Variants in GPC5 observed in about 807,000 individuals in gnomAD.
GPC5 encodes the protein glypican 5, also known as glypican-5.
GPC5 carries 47 observed loss-of-function variants against 53.9 expected under a neutral mutation model. The observed-to-expected ratio is 0.87, with a 90% CI of 0.69 to 1.11. The LOEUF (loss-of-function observed/expected upper bound fraction) is 1.11, where lower values mean the gene tolerates loss of function less well. GPC5 is among the 50% of genes most tolerant of loss of function. GPC5 has a pLI of 0.00. For synonymous variants in GPC5, 286 were observed against 263.3 expected, an observed-to-expected ratio of 1.09 and a Z score of -0.84; for missense variants, 748 against 713.1, an observed-to-expected ratio of 1.05 and a Z score of -0.56.
At chr13:92,494,060 T>G (rs372249154) in intron 7 of GPC5, among the ~76,000 whole-genome samples, 25 of 143,828 alleles carry the variant, frequency 1.7e-4, no homozygotes, top group South Asian at 6.7e-4. Context: ...TTGTGTTTTT[T>G]TTTGTTTGTT....
intron 5 of GPC5, among the ~76,000 whole-genome samples, chr13:91,860,321 G>A (rs372333643): frequency 6.6e-6 from 1 of 151,864 alleles, no homozygotes; most frequent in East Asian, 1.9e-4. Context: ...AAGCTGTAAT[G>A]TTTAACTTTC....
intron 3 of GPC5, among the ~76,000 whole-genome samples, chr13:91,726,756 C>T (rs578094128): frequency 4.6e-5 from 7 of 152,262 alleles, no homozygotes; most frequent in South Asian, 2.1e-4. Context: ...GCTTCTCTGC[C>T]GACTTCTGGC....
chr13:92,499,419 G>A (rs535301657), intron 7 of GPC5, among the ~76,000 whole-genome samples: 1 of 152,166 alleles, frequency 6.6e-6, no homozygotes, highest in Admixed American at 6.5e-5. Context: ...CTGTTCAATA[G>A]GAAGATAATT....
At chr13:91,830,835 TATTATATATAATATATATATC>T (rs2038645584) in intron 5 of GPC5, among the ~76,000 whole-genome samples, 1 of 137,606 alleles carries the variant, frequency 7.3e-6, no homozygotes, top group African/African-American at 2.7e-5. Context: ...ATATATATCC[TATTATATATAATATATATATC>T]CTATTATATA....
intron 7 of GPC5, among the ~76,000 whole-genome samples, chr13:92,508,795 A>G (rs759017202): frequency 1.3e-5 from 2 of 152,208 alleles, no homozygotes; most frequent in African/African-American, 2.4e-5. Context: ...TATTGATGTG[A>G]TTGGAAATCA....
chr13:92,183,376 T>C (rs899798287), intron 7 of GPC5, among the ~76,000 whole-genome samples: 3 of 152,158 alleles, frequency 2.0e-5, no homozygotes, highest in African/African-American at 7.2e-5. Context: ...TTTCTTTTTT[T>C]TATGTAGATA....
At chr13:92,046,184 A>C (rs1361924618) in intron 6 of GPC5, among the ~76,000 whole-genome samples, 1 of 152,208 alleles carries the variant, frequency 6.6e-6, no homozygotes, top group African/African-American at 2.4e-5. Context: ...GAAAAATCAC[A>C]ATTACCTATC....
chr13:91,697,218 C>G (rs979199362), intron 3 of GPC5, among the ~76,000 whole-genome samples: 10 of 152,302 alleles, frequency 6.6e-5, no homozygotes, highest in African/African-American at 1.7e-4. Context: ...TCTCGGCTCA[C>G]TGCAACCTCT....
At chr13:92,435,178 G>A (rs1000163656) in intron 7 of GPC5, among the ~76,000 whole-genome samples, 1 of 152,122 alleles carries the variant, frequency 6.6e-6, no homozygotes, top group East Asian at 1.9e-4. Context: ...GCGTCCCAAA[G>A]TACTGGGATT....
At chr13:92,494,355 C>T (rs940912547) in intron 7 of GPC5, among the ~76,000 whole-genome samples, 1 of 152,186 alleles carries the variant, frequency 6.6e-6, no homozygotes, top group Non-Finnish European at 1.5e-5. Context: ...TCCCAAAGTT[C>T]TGGGATTACA....
At chr13:91,659,392 G>C (rs1259336172) in intron 2 of GPC5, among the ~76,000 whole-genome samples, 1 of 152,112 alleles carries the variant, frequency 6.6e-6, no homozygotes, top group African/African-American at 2.4e-5. Flanking sequence ...GGCCCTGTAT[G>C]TTAGTTCTTG....
intron 7 of GPC5, among the ~76,000 whole-genome samples, chr13:92,177,150 C>A (rs1436162095): frequency 2.0e-5 from 3 of 152,182 alleles, no homozygotes; most frequent in Non-Finnish European, 4.4e-5. Flanking sequence ...GGCTTACAGA[C>A]CCCTGGCTTC....
intron 2 of GPC5, among the ~76,000 whole-genome samples, chr13:91,663,464 C>T (rs566988076): frequency 3.9e-5 from 6 of 151,934 alleles, no homozygotes; most frequent in Admixed American, 1.3e-4. Flanking sequence ...TGTTTCTTTG[C>T]TTTTCTTTTT....
At chr13:92,463,014 A>AT (rs1377617097) in intron 7 of GPC5, among the ~76,000 whole-genome samples, 2 of 152,088 alleles carry the variant, frequency 1.3e-5, no homozygotes, top group East Asian at 1.9e-4. Context: ...GAGGACATCT[A>AT]TTTTTTTCCT....
chr13:91,818,897 A>G (rs2038443030), intron 5 of GPC5, among the ~76,000 whole-genome samples: 1 of 152,170 alleles, frequency 6.6e-6, no homozygotes, highest in Non-Finnish European at 1.5e-5. Flanking sequence ...GAAGACAGCC[A>G]CTGGACTTTT....
intron 7 of GPC5, among the ~76,000 whole-genome samples, chr13:92,459,306 C>T (rs140193104): frequency 7.9e-5 from 12 of 152,262 alleles, no homozygotes; most frequent in African/African-American, 2.9e-4. Flanking sequence ...GAGACCAAAA[C>T]AGGATTCTGT....
At chr13:91,737,762 T>C (rs1310422879) in intron 4 of GPC5, among the ~76,000 whole-genome samples, 1 of 151,476 alleles carries the variant, frequency 6.6e-6, no homozygotes, top group East Asian at 1.9e-4. Flanking sequence ...AAGAATTTAA[T>C]TTATATTTTA....
In GPC5 at chr13:92,275,617, A is replaced by G. The variant is rs138880513; in HGVS notation, c.1561+130628A>G. Among the ~76,000 whole-genome samples the G allele has an allele frequency of 8.8e-4, 134 of 152,206 alleles. No homozygotes were observed. In the East Asian group the frequency reaches 0.011, roughly 13 times the overall value. On this transcript the variant is annotated intron_variant, in intron 7 of 7. Transcript: ENST00000377067. ...TATTAGACATCTGAACATTTCTTTC[A>G]CCCATAATTTTGGATTCTCTAAAGT...
intron 7 of GPC5, among the ~76,000 whole-genome samples, chr13:92,839,894 T>G (rs1408183801): frequency 1.3e-5 from 2 of 151,728 alleles, no homozygotes; most frequent in Non-Finnish European, 2.9e-5. Context: ...CCTCTTCACG[T>G]TCGTGGGAAC....
Sources: gnomAD v4.1 joint callset for allele counts (sites outside exome capture counted in the v4.1 genomes callset) on GRCh38, gnomAD v4.1.1 for gene constraint, MANE v1.5 for transcripts, NCBI Gene and HGNC (gene_info 2026-07-23, HGNC 2026-07-21) for gene names.